The following LAS1L variants were observed in gnomAD, a reference collection of about 807,000 sequenced individuals.
LAS1L encodes LAS1 like ribosome biogenesis factor, also known as ribosomal biogenesis protein LAS1L.
Under a neutral mutation model 57.3 loss-of-function variants are expected in LAS1L, and 5 were observed. That is an observed-to-expected ratio of 0.09 (90% CI 0.05 to 0.18). The LOEUF is 0.18. Ranked by LOEUF, LAS1L falls within the 10% of genes least tolerant of loss-of-function variation. The pLI is 1.00. For synonymous variants in LAS1L, 245 were observed against 231.7 expected, an observed-to-expected ratio of 1.06 and a Z score of -0.52; for missense variants, 360 against 568.3, an observed-to-expected ratio of 0.63 and a Z score of 3.73.
chrX:65,528,331 C>T lies in LAS1L; in HGVS notation c.885G>A (p.Lys295=), dbSNP rs771737001. 15 of 1,191,124 alleles carry T rather than the reference C, an allele frequency of 1.3e-5. No homozygotes were observed. The highest frequency in any genetic ancestry group is 1.7e-5 in the Non-Finnish European group (15 of 882,356). Reference sequence around the variant, plus strand: ...CACGTGGGGACGGGTTATTCCACGCCTTAATGGCCTTAGGTAAATACCTAA... The same window carrying T: ...CACGTGGGGACGGGTTATTCCACGCTTTAATGGCCTTAGGTAAATACCTAA... ...EKFRYLPKAI[K]AWNNPSPRVE... The change falls in exon 7 of 14, where the codon AAG becomes AAA. Residue 295 remains lysine (K), a synonymous_variant. Coordinates refer to ENST00000374811, the MANE Select transcript of LAS1L (RefSeq NM_031206.7).
intron 2 of LAS1L, 41 bp downstream of exon 2, chrX:65,533,569 C>T (rs762991363): frequency 3.3e-6 from 4 of 1,198,967 alleles, no homozygotes; most frequent in Non-Finnish European, 4.5e-6. Context: ...TGCCTCCAGT[C>T]CCCAAAGCCA....
intron 11 of LAS1L, chrX:65,522,567 G>A (rs2068905492): frequency 9.0e-6 from 1 of 111,096 alleles, no homozygotes; most frequent in Non-Finnish European, 1.9e-5. Context: ...ATGGCCAAAG[G>A]ATGGGCAAAG....
intron 12 of LAS1L, among the ~76,000 whole-genome samples, chrX:65,517,141 C>A (rs1450957824): frequency 8.9e-6 from 1 of 112,051 alleles, no homozygotes; most frequent in East Asian, 2.8e-4. Context: ...TTTGGCCTCA[C>A]TAATTTGTGT....
Position 65,512,728 on chromosome X carries a change from C to T in LAS1L, c.*47G>A, listed in dbSNP as rs768944893. ...AGCATCAGTTGTACTAGGGGGTGGGCTGTTGCCCTGGCACGGCTGGATGAA... is the reference window on the plus strand; with the variant it reads ...AGCATCAGTTGTACTAGGGGGTGGGTTGTTGCCCTGGCACGGCTGGATGAA... On this transcript the variant is annotated 3_prime_UTR_variant, in exon 14 of 14. Transcript: ENST00000374811. The T allele has an allele frequency of 4.4e-5, 50 of 1,142,960 alleles. No homozygotes were observed. The South Asian group carries it at 9.9e-4, about 23-fold the overall frequency. 94.2% of individuals were successfully genotyped at this position (1,142,960 alleles called of 1,213,427 possible). A position where few individuals can be genotyped will look rare whatever the true frequency, so the allele number is the denominator to read the frequency against.
In LAS1L at chrX:65,512,875, C is replaced by A. The variant is rs2148256582; in HGVS notation, c.2105G>T (p.Gly702Val). The A allele has an allele frequency of 1.7e-6, 2 of 1,166,124 alleles. 1 individual carries two copies. The highest frequency in any genetic ancestry group is 3.8e-5 in the South Asian group (2 of 52,507). ...GCTGCTGTTGCTGCAGTTGCCACTGCCGACACCACAGCTCAGGCCCAAGGT... is the reference window on the plus strand; with the variant it reads ...GCTGCTGTTGCTGCAGTTGCCACTGACGACACCACAGCTCAGGCCCAAGGT... The part of the protein sequence containing the change: ...TDTLGLSCGV[G>V]SGNCSNSSSS... Residue 702 changes from glycine to valine, a missense_variant, in exon 14 of 14, where the codon GGC becomes GTC. This residue lies in a region of LAS1L where 123 missense variants were observed against 168.3 expected (regional missense o/e 0.73). Coordinates refer to ENST00000374811, the MANE Select transcript of LAS1L (RefSeq NM_031206.7).
chrX:65,522,608 G>C (rs948075576), intron 11 of LAS1L: 1 of 111,342 alleles, frequency 9.0e-6, no homozygotes, highest in Non-Finnish European at 1.9e-5. Flanking sequence ...TGGCCGAACT[G>C]AGCAACCACA....
rs2069056466 is a variant in LAS1L, at chrX:65,525,092, G to A, written c.957-42C>T. 11 of 1,068,575 alleles carry A rather than the reference G, an allele frequency of 1.0e-5. No individual in the cohort carries two copies. In the East Asian group the frequency reaches 3.4e-4, roughly 33 times the overall value. The allele number at this position is 1,068,575 out of a possible 1,213,427, so 88.1% of individuals were successfully genotyped here. A position where few individuals can be genotyped will look rare whatever the true frequency, so the allele number is the denominator to read the frequency against. On this transcript the variant is annotated intron_variant, in intron 7 of 13. Coordinates refer to ENST00000374811, the MANE Select transcript of LAS1L (RefSeq NM_031206.7). Reference sequence around the variant, plus strand: ...CTAGTTTAGCAAAGTGATGCTGGCAGAAGACCCTCTCCTACTCCTCCACCC... The same window carrying A: ...CTAGTTTAGCAAAGTGATGCTGGCAAAAGACCCTCTCCTACTCCTCCACCC...
chrX:65,528,499 G>A (rs772535821), intron 6 of LAS1L, 130 bp from the exon 7 acceptor site: 28 of 433,624 alleles, frequency 6.5e-5, no homozygotes, highest in African/African-American at 5.5e-4. Context: ...TGCAGGGGGG[G>A]GCCCACAACT....
At chrX:65,534,403 G>A (rs1195213578) in intron 1 of LAS1L, 77 bp downstream of exon 1, 5 of 738,448 alleles carry the variant, frequency 6.8e-6, no homozygotes, top group East Asian at 3.5e-5. Context: ...GGAGAACAGG[G>A]CCTTATAGAA....
intron 3 of LAS1L, among the ~76,000 whole-genome samples, chrX:65,532,014 A>T (rs1239257337): frequency 8.9e-6 from 1 of 112,322 alleles, no homozygotes; most frequent in Admixed American, 9.4e-5. Flanking sequence ...GTGAATGAGC[A>T]TTAACAATCA....
chrX:65,530,353 G>T (rs1422987529), intron 4 of LAS1L, among the ~76,000 whole-genome samples: 1 of 111,993 alleles, frequency 8.9e-6, no homozygotes, highest in African/African-American at 3.2e-5. Context: ...AGAGGTATGT[G>T]AGACTAATGA....
chrX:65,525,259 G>A (rs1033222329), intron 7 of LAS1L, among the ~76,000 whole-genome samples: 8 of 111,904 alleles, frequency 7.1e-5, no homozygotes, highest in Non-Finnish European at 1.5e-4. Flanking sequence ...GCTGGTTAGA[G>A]GCTGGGATCA....
intron 12 of LAS1L, among the ~76,000 whole-genome samples, chrX:65,516,953 C>T (rs1226849064): frequency 9.0e-6 from 1 of 111,179 alleles, no homozygotes; most frequent in Non-Finnish European, 1.9e-5. Flanking sequence ...CACCCCACAT[C>T]ACGCAGGCCC....
At chrX:65,524,437 G>C in intron 9 of LAS1L, 127 bp downstream of exon 9, 1 of 492,259 alleles carries the variant, frequency 2.0e-6, no homozygotes, top group Non-Finnish European at 3.7e-6. Flanking sequence ...GCAGAACAAA[G>C]GAAAGAGGAG....
chrX:65,518,814 C>G, intron 11 of LAS1L: 1 of 753,570 alleles, frequency 1.3e-6, no homozygotes, highest in South Asian at 6.7e-5. Flanking sequence ...CACTTAAAAG[C>G]TACATAAATG....
intron 12 of LAS1L, among the ~76,000 whole-genome samples, chrX:65,516,680 A>ACAC (rs1444281819): frequency 1.1e-5 from 1 of 89,707 alleles, no homozygotes; most frequent in Non-Finnish European, 2.3e-5. Context: ...CACACACACA[A>ACAC]ATTCTGCTTA....
At chrX:65,513,052 G>T (rs2068502592) in intron 13 of LAS1L, 151 bp from the exon 14 acceptor site, 4 of 565,777 alleles carry the variant, frequency 7.1e-6, no homozygotes, top group Non-Finnish European at 1.1e-5. Flanking sequence ...AAACGACTTC[G>T]TGTGGGCCCC....
chrX:65,524,511 AG>A, intron 9 of LAS1L, 52 bp downstream of exon 9: 1 of 517,375 alleles, frequency 1.9e-6, no homozygotes, highest in Non-Finnish European at 3.5e-6. Context: ...CTCAAAATAA[AG>A]TATAAACAAA....
chrX:65,520,317 T>C (rs898667040), intron 11 of LAS1L: 3 of 301,230 alleles, frequency 1.0e-5, no homozygotes, highest in African/African-American at 2.9e-5. Context: ...AGAGCCTCAA[T>C]GTCTTATCTG....
Sources: gnomAD v4.1 joint callset for allele counts (sites outside exome capture counted in the v4.1 genomes callset) on GRCh38, gnomAD v4.1.1 for gene constraint, gnomAD v4.1.1 regional missense constraint, MANE v1.5 for transcripts, NCBI Gene and HGNC (gene_info 2026-07-23, HGNC 2026-07-21) for gene names.